The following FRMD4A variants were observed in gnomAD, a reference collection of about 807,000 sequenced individuals.
FRMD4A encodes FERM domain containing 4A.
A neutral mutation model predicts 129.1 loss-of-function variants in FRMD4A; 29 were observed. The ratio of observed to expected loss-of-function variants is 0.22; its 90% CI spans 0.17 to 0.31. FRMD4A has a LOEUF of 0.31. FRMD4A is among the 10% of genes least tolerant of loss of function. The probability of loss-of-function intolerance (pLI) is 1.00; values close to 1 mark genes in which losing one functional copy is unlikely to be tolerated. For synonymous variants in FRMD4A, 634 were observed against 571.6 expected (o/e 1.11, Z -1.56); for missense variants, 1,272 against 1,375.8 (o/e 0.92, Z 1.19).
At chr10:14,192,253 GTT>G (rs1002046673) in intron 2 of FRMD4A, among the ~76,000 whole-genome samples, 12 of 152,086 alleles carry the variant, frequency 7.9e-5, no homozygotes, top group African/African-American at 2.9e-4. Flanking sequence ...TGCTAACTGG[GTT>G]TTGTGTAGCT....
chr10:13,950,216 C>G (rs887985311), intron 2 of FRMD4A, among the ~76,000 whole-genome samples: 4 of 152,026 alleles, frequency 2.6e-5, no homozygotes, highest in African/African-American at 9.7e-5. Context: ...CCCAGGCAGG[C>G]GGAGGCAAAA....
At chr10:14,030,886 T>C (rs1256514459) in intron 2 of FRMD4A, among the ~76,000 whole-genome samples, 1 of 152,140 alleles carries the variant, frequency 6.6e-6, no homozygotes, top group South Asian at 2.1e-4. Flanking sequence ...TTCCTCTGCA[T>C]CCATCTCCAG....
intron 16 of FRMD4A, among the ~76,000 whole-genome samples, chr10:13,673,883 C>T (rs138902508): frequency 2.7e-5 from 4 of 150,800 alleles, no homozygotes; most frequent in African/African-American, 7.3e-5. Flanking sequence ...TCAAGCGATC[C>T]TCCTGCCTCA....
Position 13,782,918 on chromosome 10 carries a change from CT to C in FRMD4A, c.384+3del. On this transcript the variant is annotated splice_donor_region_variant and intron_variant, in intron 6 of 24. Coordinates refer to ENST00000357447, the MANE Select transcript of FRMD4A (RefSeq NM_018027.5). ...AGGGAAATTGAGGGAGAGGGAGTTC[CT>C]ACCTTGTAGATGCAGGACTTCGCGT... is the stretch of plus-strand genomic sequence containing the variant. 7.7e-7 allele frequency: 1 copy of C among 1,303,832 alleles called. No homozygotes were observed. The highest frequency in any genetic ancestry group is 1.1e-6 in the Non-Finnish European group (1 of 896,438). The allele number at this position is 1,303,832 out of a possible 1,614,324, so 80.8% of individuals were successfully genotyped here.
intron 2 of FRMD4A, among the ~76,000 whole-genome samples, chr10:13,936,566 T>C (rs574525919): frequency 1.3e-5 from 2 of 152,306 alleles, no homozygotes; most frequent in Non-Finnish European, 2.9e-5. Flanking sequence ...CCTCACCCCT[T>C]CTGCCATGTG....
chr10:14,066,628 C>G (rs1835072971), intron 2 of FRMD4A, among the ~76,000 whole-genome samples: 1 of 152,112 alleles, frequency 6.6e-6, no homozygotes, highest in African/African-American at 2.4e-5. Flanking sequence ...GAGCCTACGC[C>G]TGTGTGCCGC....
intron 2 of FRMD4A, among the ~76,000 whole-genome samples, chr10:14,114,536 TGTA>T (rs1171174963): frequency 6.6e-6 from 1 of 152,132 alleles, no homozygotes; most frequent in Non-Finnish European, 1.5e-5. Context: ...CCACCTGTAA[TGTA>T]GGAGAGGAAG....
At chr10:13,957,879 G>A (rs1378339038) in intron 2 of FRMD4A, among the ~76,000 whole-genome samples, 1 of 150,592 alleles carries the variant, frequency 6.6e-6, no homozygotes, top group Non-Finnish European at 1.5e-5. Context: ...TACATACGGC[G>A]ACTAGGAACC....
chr10:14,314,336 C>T (rs566581643), intron 2 of FRMD4A, among the ~76,000 whole-genome samples: 23 of 152,146 alleles, frequency 1.5e-4, no homozygotes, highest in African/African-American at 2.4e-4. Flanking sequence ...AGTCAGGCCA[C>T]GTACAGGACC....
At chr10:14,183,513 T>C (rs1023522466) in intron 2 of FRMD4A, among the ~76,000 whole-genome samples, 1 of 150,736 alleles carries the variant, frequency 6.6e-6, no homozygotes, top group African/African-American at 2.5e-5. Flanking sequence ...TTCATAGCTC[T>C]AAGGAGTTGT....
At chr10:13,659,931 C>T (rs1196471577) in intron 20 of FRMD4A, among the ~76,000 whole-genome samples, 1 of 152,158 alleles carries the variant, frequency 6.6e-6, no homozygotes, top group Non-Finnish European at 1.5e-5. Context: ...TGGATTACAG[C>T]TGCTTGGCTG....
intron 2 of FRMD4A, among the ~76,000 whole-genome samples, chr10:13,970,966 TG>T (rs2095514165): frequency 6.6e-6 from 1 of 152,218 alleles, no homozygotes; most frequent in Non-Finnish European, 1.5e-5. Flanking sequence ...GAGGCCACTA[TG>T]TAAAGGAAAG....
At chr10:14,316,673 C>T (rs1846754282) in intron 2 of FRMD4A, among the ~76,000 whole-genome samples, 1 of 152,130 alleles carries the variant, frequency 6.6e-6, no homozygotes, top group South Asian at 2.1e-4. Flanking sequence ...TTCTTTCCCC[C>T]AAGCTTGAAC....
rs928434295 is a variant in FRMD4A, at chr10:13,693,910, G to GGCTGCCGCT, written c.1096_1104dup (p.Ser366_Ser368dup). On this transcript the variant is annotated inframe_insertion, in exon 15 of 25. Coordinates refer to ENST00000357447, the MANE Select transcript of FRMD4A (RefSeq NM_018027.5). The stretch of plus-strand genomic sequence containing the variant: ...GGCCTCTGCCTACCTGAAGACAGCA[G>GGCTGCCGCT]GCTGCCGCTGCTGCCGCTGATGATC... 3.7e-6 allele frequency: 6 copies of GGCTGCCGCT among 1,608,260 alleles called. No homozygotes were observed. The highest frequency in any genetic ancestry group is 1.7e-4 in the Middle Eastern group (1 of 6,028).
intron 2 of FRMD4A, among the ~76,000 whole-genome samples, chr10:14,324,308 A>G (rs1312415531): frequency 6.6e-6 from 1 of 152,232 alleles, no homozygotes; most frequent in Non-Finnish European, 1.5e-5. Context: ...GGGAAATTTT[A>G]CCTTGGGTGC....
intron 2 of FRMD4A, among the ~76,000 whole-genome samples, chr10:14,255,791 A>G (rs1844590557): frequency 6.6e-6 from 1 of 152,162 alleles, no homozygotes; most frequent in South Asian, 2.1e-4. Context: ...GGATCACTTG[A>G]GGTCAAGAGT....
At position 13,644,321 on chromosome 10, in the gene FRMD4A, T is replaced by G. The variant is rs1440036604; in HGVS notation, c.*2717A>C. The G allele has an allele frequency of 6.6e-6, 1 of 152,232 alleles. No individual in the cohort carries two copies. The highest frequency in any genetic ancestry group is 1.5e-5 in the Non-Finnish European group (1 of 68,030). The allele number at this position is 152,232 out of a possible 1,614,324, so 9.4% of individuals were successfully genotyped here. On this transcript the variant is annotated 3_prime_UTR_variant, in exon 25 of 25. Transcript: ENST00000357447. ...TTTAAAGAAATAGGGATAAAGAGTT[T>G]GCAAGTGCTTGTGTACAATAACTAC...
At chr10:13,993,116 G>A (rs1252624828) in intron 2 of FRMD4A, among the ~76,000 whole-genome samples, 2 of 152,194 alleles carry the variant, frequency 1.3e-5, no homozygotes, top group African/African-American at 2.4e-5. Flanking sequence ...TATCCGGCAA[G>A]AGACAGTGAG....
At chr10:13,677,839 C>T (rs1049836517) in intron 15 of FRMD4A, among the ~76,000 whole-genome samples, 3 of 152,142 alleles carry the variant, frequency 2.0e-5, no homozygotes, top group Non-Finnish European at 4.4e-5. Flanking sequence ...TAAAACAATA[C>T]TGGAAGGAAG....
Sources: allele counts gnomAD v4.1 joint callset (sites outside exome capture counted in the v4.1 genomes callset), GRCh38; gene constraint gnomAD v4.1.1; transcripts MANE v1.5; gene names NCBI Gene and HGNC (gene_info 2026-07-23, HGNC 2026-07-21).